GGA3: variants seen among roughly 807,000 people sequenced by gnomAD.
The protein encoded by GGA3 is golgi associated, gamma adaptin ear containing, ARF binding protein 3.
GGA3 carries 57 observed loss-of-function variants against 77.5 expected under a neutral mutation model. That is an observed-to-expected ratio of 0.74 (90% CI 0.59 to 0.92). The LOEUF (loss-of-function observed/expected upper bound fraction) is 0.92, where lower values mean the gene tolerates loss of function less well. Ranked by LOEUF, GGA3 falls within the 40% of genes least tolerant of loss-of-function variation. GGA3 has a pLI of 0.00. For synonymous variants in GGA3, 416 were observed against 383.7 expected (o/e 1.08, Z -0.98); for missense variants, 970 against 914.9 (o/e 1.06, Z -0.78).
At chr17:75,259,875 T>C (rs60360063) in intron 1 of GGA3, among the ~76,000 whole-genome samples, 16,668 of 152,100 alleles carry the variant, frequency 0.11, 2,581 homozygotes, top group African/African-American at 0.34. Context: ...CTAGGCTGGG[T>C]GCGGTAGCTC....
intron 1 of GGA3, among the ~76,000 whole-genome samples, chr17:75,259,277 CA>C (rs988278015): frequency 2.6e-5 from 4 of 152,098 alleles, no homozygotes; most frequent in African/African-American, 9.7e-5. Flanking sequence ...CAACTAAAGG[CA>C]AAATCTTCTT....
intron 3 of GGA3, among the ~76,000 whole-genome samples, chr17:75,245,810 CCG>C (rs1277727716): frequency 1.4e-5 from 2 of 146,298 alleles, no homozygotes; most frequent in African/African-American, 5.6e-5. Flanking sequence ...GTACAAGCCA[CCG>C]TGCCCTGCTG....
At position 75,244,857 on chromosome 17, in the gene GGA3, T is replaced by C. The variant is rs572586595; in HGVS notation, c.202-140A>G. On this transcript the variant is annotated intron_variant, in intron 3 of 16. Coordinates refer to ENST00000537686, the MANE Select transcript of GGA3 (RefSeq NM_138619.4). Reference sequence around the variant, plus strand: ...GCTCATCACGAAAAGCAGTGTGCACTGCCCGGGGACAGTGTAATTAAGCAA... The same window carrying C: ...GCTCATCACGAAAAGCAGTGTGCACCGCCCGGGGACAGTGTAATTAAGCAA... 243 of 661,860 alleles carry C rather than the reference T, an allele frequency of 3.7e-4. 2 individuals carry two copies. In the African/African-American group the frequency reaches 4.1e-3, roughly 11 times the overall value. 41.0% of individuals were successfully genotyped at this position (661,860 alleles called of 1,614,324 possible).
rs2076501993 is a variant in GGA3 at position 75,240,378 on chromosome 17, T to C, written c.1227A>G (p.Lys409=). The change falls in exon 12 of 17, where the codon AAA becomes AAG. Residue 409 remains lysine (K), a synonymous_variant. Coordinates refer to ENST00000537686, the MANE Select transcript of GGA3 (RefSeq NM_138619.4). ...GCCACTGGCTGTTCCCAGCTGACTC[T>C]TTGGGAGGAACATTAGGGGCTGGGT... ...LADPAPNVPP[K]ESAGNSQWHL... 1 of 1,601,164 alleles carries C rather than the reference T, an allele frequency of 6.2e-7. No homozygotes were observed. Among genetic ancestry groups the C allele is most frequent in the Non-Finnish European group, 8.5e-7 (1 of 1,174,866 alleles).
chr17:75,242,050 G>A (rs2076577712), intron 8 of GGA3: 2 of 551,552 alleles, frequency 3.6e-6, no homozygotes, highest in South Asian at 4.3e-5. Context: ...CCCCAAGGTA[G>A]TAAGGAAAGG....
At position 75,261,598 on chromosome 17, in the gene GGA3, C is replaced by G; in HGVS notation, c.-11G>C. The G allele has an allele frequency of 6.5e-7, 1 of 1,544,296 alleles. No homozygotes were observed. The highest frequency in any genetic ancestry group is 8.7e-7 in the Non-Finnish European group (1 of 1,145,966). On this transcript the variant is annotated 5_prime_UTR_variant, in exon 1 of 17. Coordinates refer to ENST00000537686, the MANE Select transcript of GGA3 (RefSeq NM_138619.4). ...TTCCGCCTCCGCCATATTGCAGCCG[C>G]CCGGCCCCGCGGCTTCAAAACTCGC...
chr17:75,246,886 G>T, intron 1 of GGA3, 90 bp from the exon 2 acceptor site: 2 of 995,406 alleles, frequency 2.0e-6, no homozygotes, highest in Non-Finnish European at 1.6e-6. Context: ...AGCACTAAGA[G>T]TTTGCTTTCA....
At chr17:75,243,656 C>A in intron 4 of GGA3, 86 bp from the exon 5 acceptor site, 12 of 1,338,414 alleles carry the variant, frequency 9.0e-6, no homozygotes, top group Non-Finnish European at 1.0e-5. Context: ...AATGGCGTGG[C>A]TGCTCAGCAG....
chr17:75,238,439 G>T, intron 16 of GGA3, 50 bp from the exon 17 acceptor site: 1 of 1,491,936 alleles, frequency 6.7e-7, no homozygotes, highest in Non-Finnish European at 9.3e-7. Flanking sequence ...CCCCTTGGCA[G>T]GACGCCCTCT....
intron 1 of GGA3, among the ~76,000 whole-genome samples, chr17:75,260,464 C>A (rs1284346008): frequency 6.6e-6 from 1 of 152,214 alleles, no homozygotes; most frequent in East Asian, 1.9e-4. Flanking sequence ...CCTGCAACTG[C>A]AGATTTTGCA....
rs2076655927 is a variant in GGA3 at position 75,243,693 on chromosome 17, T to TA, written c.301-124_301-123insT. On this transcript the variant is annotated intron_variant, in intron 4 of 16. Coordinates refer to ENST00000537686, the MANE Select transcript of GGA3 (RefSeq NM_138619.4). ...TATGGTCCTACTCAAAATCTGCAGG[T>TA]GTCCAAGTGTGTGTGAGACAGCGTG... 3.4e-6 allele frequency: 3 copies of TA among 874,042 alleles called. No individual in the cohort carries two copies. In the East Asian group the frequency reaches 8.0e-5, roughly 23 times the overall value. The allele number at this position is 874,042 out of a possible 1,614,324, so 54.1% of individuals were successfully genotyped here. A position where few individuals can be genotyped will look rare whatever the true frequency, so the allele number is the denominator to read the frequency against.
chr17:75,262,063 G>A (rs2077407944), upstream of GGA3: 7 of 1,510,324 alleles, frequency 4.6e-6, no homozygotes, highest in Admixed American at 1.1e-4. Flanking sequence ...GGCCCCTAGA[G>A]AGAGCATTGC....
chr17:75,241,907 G>A, intron 8 of GGA3: 1 of 599,860 alleles, frequency 1.7e-6, no homozygotes, highest in Non-Finnish European at 3.0e-6. Flanking sequence ...GCAGTCACCA[G>A]GATGGGTCAG....
chr17:75,239,579 G>T lies in GGA3; in HGVS notation c.1584-8C>A. On this transcript the variant is annotated splice_polypyrimidine_tract_variant and splice_region_variant and intron_variant, in intron 13 of 16. Coordinates refer to ENST00000537686, the MANE Select transcript of GGA3 (RefSeq NM_138619.4). ...TTCACCAAGCCCGAGGTCCTGGGAG[G>T]TGGGAAGGATGGAAAGCACGTCAGA... 4 of 1,552,742 alleles carry T rather than the reference G, an allele frequency of 2.6e-6. No individual in the cohort carries two copies. Among genetic ancestry groups the T allele is most frequent in the Non-Finnish European group, 3.5e-6 (4 of 1,146,906 alleles).
At chr17:75,241,733 G>C in intron 8 of GGA3, 37 bp from the exon 9 acceptor site, 1 of 1,539,306 alleles carries the variant, frequency 6.5e-7, no homozygotes, top group South Asian at 1.1e-5. Context: ...AAACCACAAA[G>C]GCCCTTAGAG....
Position 75,237,709 on chromosome 17 carries a change from G to A in GGA3, c.*570C>T, listed in dbSNP as rs758338436. ...TTCCAGGACGATGCTGTCCACCAGA[G>A]GCAGGGCTGGGGACTTTGCAGTATG... On this transcript the variant is annotated 3_prime_UTR_variant, in exon 17 of 17. Transcript: ENST00000537686. 2.1e-4 allele frequency: 304 copies of A among 1,451,812 alleles called. 1 individual carries two copies. The highest frequency in any genetic ancestry group is 8.9e-4 in the Middle Eastern group (4 of 4,486). 89.9% of individuals were successfully genotyped at this position (1,451,812 alleles called of 1,614,324 possible). A position where few individuals can be genotyped will look rare whatever the true frequency, so the allele number is the denominator to read the frequency against.
At chr17:75,261,092 C>G (rs1392942729) in intron 1 of GGA3, among the ~76,000 whole-genome samples, 3 of 152,238 alleles carry the variant, frequency 2.0e-5, no homozygotes, top group African/African-American at 4.8e-5. Flanking sequence ...AATTCTGAAG[C>G]TGCCAGGCGA....
rs192037963 is a variant in GGA3, at chr17:75,259,824, C to A, written c.40+1724G>T. 6.4e-4 allele frequency among the ~76,000 whole-genome samples: 97 copies of A among 151,604 alleles called. 1 individual carries two copies. The East Asian group carries it at 8.1e-3, about 13-fold the overall frequency. On this transcript the variant is annotated intron_variant, in intron 1 of 16. Transcript: ENST00000537686. ...ATGTCTCTACAGATACCATGTGACT[C>A]CCCCCCACCAAGTGTGTCCCTCTCA...
At chr17:75,261,989 A>G, upstream of GGA3, 1 of 1,540,922 alleles carries the variant, frequency 6.5e-7, no homozygotes. Context: ...CCAGGGTGAG[A>G]GGGTGGCGAG....
Sources: gnomAD v4.1 joint callset for allele counts (sites outside exome capture counted in the v4.1 genomes callset) on GRCh38, gnomAD v4.1.1 for gene constraint, MANE v1.5 for transcripts, NCBI Gene and HGNC (gene_info 2026-07-23, HGNC 2026-07-21) for gene names.